The following NFATC2 variants were observed in gnomAD, a reference collection of about 807,000 sequenced individuals.
NFATC2 encodes nuclear factor of activated T-cells, cytoplasmic 2.
NFATC2 carries 22 observed loss-of-function variants against 87.3 expected under a neutral mutation model. The observed-to-expected ratio is 0.25, with a 90% confidence interval of 0.18 to 0.36. NFATC2 has a LOEUF of 0.36. Among genes scored for constraint, NFATC2 ranks in the 10% least tolerant of loss-of-function variants. NFATC2 has a pLI of 1.00. For missense variants in NFATC2, 1,149 were observed against 1,259.1 expected, an observed-to-expected ratio of 0.91 and a Z score of 1.32; for synonymous variants, 565 against 542.2, an observed-to-expected ratio of 1.04 and a Z score of -0.58.
At chr20:51,546,485 G>A (rs968279671), upstream of NFATC2, among the ~76,000 whole-genome samples, 2 of 152,196 alleles carry the variant, frequency 1.3e-5, no homozygotes, top group Non-Finnish European at 2.9e-5. Context: ...GAGGGATGGA[G>A]GTGGGATGGT....
At chr20:51,463,942 T>A (rs570700152) in intron 5 of NFATC2, among the ~76,000 whole-genome samples, 2 of 152,190 alleles carry the variant, frequency 1.3e-5, no homozygotes, top group East Asian at 3.9e-4. Context: ...TAGGTAACTA[T>A]TTCAATCAGC....
At chr20:51,466,526 A>G (rs1987703668) in intron 5 of NFATC2, among the ~76,000 whole-genome samples, 1 of 152,074 alleles carries the variant, frequency 6.6e-6, no homozygotes, top group Non-Finnish European at 1.5e-5. Context: ...CATCAGAAAT[A>G]GCTGAATTTC....
At chr20:51,522,284 C>T (rs1469544094) in intron 2 of NFATC2, among the ~76,000 whole-genome samples, 1 of 7,702 alleles carries the variant, frequency 1.3e-4, no homozygotes, top group East Asian at 2.8e-3. Context: ...AAAAGCGGGG[C>T]GGGGGGGTCG....
chr20:51,401,642 G>A (rs1988058219), intron 9 of NFATC2, among the ~76,000 whole-genome samples: 1 of 152,088 alleles, frequency 6.6e-6, no homozygotes. Context: ...CAAAGACACA[G>A]GGGTACCTCA....
rs1055102585 is a variant in NFATC2 at position 51,390,399 on chromosome 20, C to G, written c.*1097G>C. ...CTGTTTTACTTAACAAAAATACCCA[C>G]ACTTCTTTTCTTGGTTGCTTTAGCC... On this transcript the variant is annotated 3_prime_UTR_variant, in exon 11 of 11. Coordinates refer to ENST00000371564, the MANE Select transcript of NFATC2 (RefSeq NM_012340.5). 1 of 152,240 alleles carries G rather than the reference C, an allele frequency of 6.6e-6. No individual in the cohort carries two copies. The highest frequency in any genetic ancestry group is 1.5e-5 in the Non-Finnish European group (1 of 68,046). 9.4% of individuals were successfully genotyped at this position (152,240 alleles called of 1,614,324 possible).
rs1363757567 is a variant in NFATC2 at position 51,561,443 on chromosome 20, GAAAGA to G, written c.70+1112_70+1116del. On this transcript the variant is annotated intron_variant, in intron 1 of 10. Coordinates refer to the NFATC2 transcript ENST00000414705. ...AAGAGAGAGAAAGAAAAGAAAGAAA[GAAAGA>G]AAGAAAGAAAGAAAGAAAGAAAGAA... Among the ~76,000 whole-genome samples the G allele has an allele frequency of 8.1e-3, 773 of 95,882 alleles. 3 individuals are homozygous for G. Among genetic ancestry groups the G allele is most frequent in the Middle Eastern group, 0.029 (6 of 204 alleles). The allele number at this position is 95,882 out of a possible 152,430, so 62.9% of individuals were successfully genotyped here.
At chr20:51,543,253 C>T (rs2076854771), upstream of NFATC2, among the ~76,000 whole-genome samples, 4 of 152,220 alleles carry the variant, frequency 2.6e-5, no homozygotes, top group Admixed American at 6.5e-5. Flanking sequence ...TGCCTCCTGG[C>T]CACCTACCAC....
intron 6 of NFATC2, among the ~76,000 whole-genome samples, chr20:51,443,467 G>A (rs894085936): frequency 6.6e-6 from 1 of 152,204 alleles, no homozygotes; most frequent in Non-Finnish European, 1.5e-5. Context: ...CCAGCCGCAG[G>A]ACCCTGCAAG....
chr20:51,433,844 G>A (rs1423739154), intron 8 of NFATC2, among the ~76,000 whole-genome samples: 13 of 151,848 alleles, frequency 8.6e-5, no homozygotes, highest in Admixed American at 8.5e-4. Context: ...GACTAGGCAA[G>A]GCTGTCTCTA....
intron 5 of NFATC2, among the ~76,000 whole-genome samples, chr20:51,467,898 G>C (rs906837507): frequency 5.9e-5 from 9 of 152,298 alleles, no homozygotes; most frequent in African/African-American, 2.2e-4. Flanking sequence ...ATAAACCTAA[G>C]CCCCGGGAAC....
At chr20:51,461,389 C>G (rs1016465443) in intron 5 of NFATC2, among the ~76,000 whole-genome samples, 2 of 152,242 alleles carry the variant, frequency 1.3e-5, no homozygotes, top group Non-Finnish European at 2.9e-5. Context: ...GGGCCTGGCT[C>G]AGGCCTGCGG....
At chr20:51,485,025 T>C (rs1469574486) in intron 3 of NFATC2, among the ~76,000 whole-genome samples, 1 of 152,262 alleles carries the variant, frequency 6.6e-6, no homozygotes, top group Non-Finnish European at 1.5e-5. Context: ...CAAGTCATTC[T>C]ATATTTCTCA....
chr20:51,547,173 G>A (rs1424141811), upstream of NFATC2, among the ~76,000 whole-genome samples: 1 of 152,154 alleles, frequency 6.6e-6, no homozygotes, highest in African/African-American at 2.4e-5. Flanking sequence ...CAGGGGCAAG[G>A]GTTGAAGCCG....
chr20:51,509,665 CT>C (rs2076241266), intron 3 of NFATC2, among the ~76,000 whole-genome samples: 2 of 152,238 alleles, frequency 1.3e-5, no homozygotes, highest in Admixed American at 6.5e-5. Context: ...ACCCAGCCAA[CT>C]GCTAAAGGAG....
chr20:51,539,897 C>T (rs913855970), intron 1 of NFATC2, among the ~76,000 whole-genome samples: 7 of 152,288 alleles, frequency 4.6e-5, no homozygotes, highest in African/African-American at 1.7e-4. Context: ...ACTCTGTACT[C>T]CTTAAGTGTG....
chr20:51,419,907 T>C (rs1048777040), intron 9 of NFATC2, among the ~76,000 whole-genome samples: 2 of 152,136 alleles, frequency 1.3e-5, no homozygotes, highest in Non-Finnish European at 2.9e-5. Context: ...GGAAGTCATA[T>C]TATTTCAGTC....
At chr20:51,509,556 C>T (rs1399382124) in intron 3 of NFATC2, among the ~76,000 whole-genome samples, 1 of 152,204 alleles carries the variant, frequency 6.6e-6, no homozygotes, top group Non-Finnish European at 1.5e-5. Context: ...TAGATGCCAA[C>T]ACAGCAGCCC....
chr20:51,484,005 C>T (rs1989496216), intron 3 of NFATC2, among the ~76,000 whole-genome samples: 1 of 152,020 alleles, frequency 6.6e-6, no homozygotes, highest in Non-Finnish European at 1.5e-5. Flanking sequence ...CAACAGCAAA[C>T]ATCTTCCTTG....
intron 3 of NFATC2, among the ~76,000 whole-genome samples, chr20:51,485,155 C>G (rs1292687403): frequency 6.6e-6 from 1 of 152,198 alleles, no homozygotes; most frequent in Non-Finnish European, 1.5e-5. Context: ...CATTTGAAAC[C>G]CTGAGGAAGC....
Sources: gnomAD v4.1 joint callset for allele counts (sites outside exome capture counted in the v4.1 genomes callset) on GRCh38, gnomAD v4.1.1 for gene constraint, MANE v1.5 for transcripts, NCBI Gene and HGNC (gene_info 2026-07-23, HGNC 2026-07-21) for gene names.